The following KCNA2 variants were observed in gnomAD, a reference collection of about 807,000 sequenced individuals.
KCNA2 encodes potassium voltage-gated channel subfamily A member 2.
A neutral mutation model predicts 33.4 loss-of-function variants in KCNA2; 11 were observed. That is an observed-to-expected ratio of 0.33 (90% confidence interval 0.21 to 0.55). The LOEUF (loss-of-function observed/expected upper bound fraction) is 0.55, where lower values mean the gene tolerates loss of function less well. Ranked by LOEUF, KCNA2 falls within the 20% of genes least tolerant of loss-of-function variation. KCNA2 has a pLI of 0.93. For synonymous variants in KCNA2, 222 were observed against 231.3 expected, an observed-to-expected ratio of 0.96 and a Z score of 0.37; for missense variants, 291 against 621.6, an observed-to-expected ratio of 0.47 and a Z score of 5.66.
rs1378047633 is a variant in KCNA2 at position 110,627,706 on chromosome 1, A to C, written c.-496+3689T>G. On this transcript the variant is annotated intron_variant, in intron 1 of 4. Coordinates refer to the KCNA2 transcript ENST00000369770. ...AGGAATCTAAAATAAAACAAGAGAC[A>C]TCTAGGACTAACATAATTATAAAAA... Among the ~76,000 whole-genome samples the C allele has an allele frequency of 4.6e-5, 7 of 152,148 alleles. 1 individual carries two copies. Among genetic ancestry groups the C allele is most frequent in the African/African-American group, 1.7e-4 (7 of 41,418 alleles).
In KCNA2 at chr1:110,593,980, G is replaced by A; in HGVS notation, c.*9303C>T. 1 of 1,548,410 alleles carries A rather than the reference G, an allele frequency of 6.5e-7. No individual in the cohort carries two copies. The highest frequency in any genetic ancestry group is 8.7e-7 in the Non-Finnish European group (1 of 1,146,042). ...GTTAAATGACTCCCAACTCCCATGA[G>A]TCTTCCCCGCAAGTCCTGCTCCGCC... On this transcript the variant is annotated 3_prime_UTR_variant, in exon 3 of 3. Coordinates refer to ENST00000316361, the MANE Select transcript of KCNA2 (RefSeq NM_004974.4).
At chr1:110,624,344 T>G (rs1212740683) in intron 1 of KCNA2, among the ~76,000 whole-genome samples, 1 of 152,254 alleles carries the variant, frequency 6.6e-6, no homozygotes, top group African/African-American at 2.4e-5. Flanking sequence ...TGCTGTAACA[T>G]GAATGCACCT....
chr1:110,625,734 A>G (rs1650372125), intron 1 of KCNA2, among the ~76,000 whole-genome samples: 1 of 152,226 alleles, frequency 6.6e-6, no homozygotes, highest in South Asian at 2.1e-4. Context: ...AAAGAGCTGA[A>G]AGAAGTCAAT....
upstream of KCNA2, among the ~76,000 whole-genome samples, chr1:110,611,314 G>T (rs1649864428): frequency 6.6e-6 from 1 of 152,206 alleles, no homozygotes; most frequent in South Asian, 2.1e-4. Context: ...CCTCCTGCAG[G>T]AAGGCTTCTC....
upstream of KCNA2, among the ~76,000 whole-genome samples, chr1:110,610,999 T>G (rs1326197701): frequency 6.8e-6 from 1 of 147,954 alleles, no homozygotes. Context: ...CCTTGCTTCA[T>G]AGGGCTTAAA....
chr1:110,604,319 T>C lies in KCNA2; in HGVS notation c.464A>G (p.Tyr155Cys). The change falls in exon 3 of 3, where the codon TAC (tyrosine) becomes TGC (cysteine). Residue 155 changes from tyrosine to cysteine, a missense_variant. By Grantham distance (194) the Tyr-to-Cys change is radical. This residue lies in a region of KCNA2 where 163 missense variants were observed against 273.5 expected (regional missense o/e 0.60). Transcript: ENST00000316361. The surrounding 1 kb of genome is among the most constrained non-coding windows in gnomAD (Gnocchi z 7.6). ...FQRQVWLLFE[Y>C]PESSGPARII... is the part of the protein sequence containing the mutation. Reference sequence around the variant, plus strand: ...CCTGGCAGGCCCTGAGCTCTCTGGGTATTCAAAGAGAAGCCACACTTGTCT... The same window carrying C: ...CCTGGCAGGCCCTGAGCTCTCTGGGCATTCAAAGAGAAGCCACACTTGTCT... 6.2e-7 allele frequency: 1 copy of C among 1,614,000 alleles called. No individual in the cohort carries two copies. Among genetic ancestry groups the C allele is most frequent in the Non-Finnish European group, 8.5e-7 (1 of 1,179,954 alleles).
rs759809934 is a variant in KCNA2, at chr1:110,603,347, G to A, written c.1436C>T (p.Thr479Ile). The A allele has an allele frequency of 6.2e-7, 1 of 1,613,856 alleles. No individual in the cohort carries two copies. ...NEDFREENLK[T>I]ANCTLANTNY... ...TGTGTTAGCCAAGGTACAGTTGGCT[G>A]TTTTCAAGTTTTCCTCTCTAAAGTC... The change falls in exon 3 of 3, where the codon ACA (threonine) becomes ATA (isoleucine). Residue 479 changes from threonine to isoleucine, a missense_variant. This residue lies in a region of KCNA2 where 65 missense variants were observed against 95.1 expected (regional missense o/e 0.68). Transcript: ENST00000316361. The surrounding 1 kb of genome is among the most constrained non-coding windows in gnomAD (Gnocchi z 5.7).
intron 1 of KCNA2, among the ~76,000 whole-genome samples, chr1:110,629,922 T>C (rs192806552): frequency 1.3e-5 from 2 of 152,052 alleles, no homozygotes; most frequent in East Asian, 3.9e-4. Context: ...ATTCATGTAA[T>C]GCAGTGGTGG....
intron 1 of KCNA2, among the ~76,000 whole-genome samples, chr1:110,623,396 G>A (rs2101463469): frequency 6.6e-6 from 1 of 152,076 alleles, no homozygotes; most frequent in South Asian, 2.1e-4. Context: ...TGTGACCTTC[G>A]GTTACTCAAA....
chr1:110,612,272 A>C lies in KCNA2; in HGVS notation c.-495-6550T>G, dbSNP rs145707436. On this transcript the variant is annotated intron_variant, in intron 1 of 4. Coordinates refer to the KCNA2 transcript ENST00000369770. The stretch of plus-strand genomic sequence containing the variant: ...TCTCATCGTTGTGCAAACATCGTAG[A>C]GTGTACTTACACAAACGTAGATGGC... Among the ~76,000 whole-genome samples the C allele has an allele frequency of 1.2e-3, 177 of 152,290 alleles. 1 individual carries two copies. The highest frequency in any genetic ancestry group is 9.1e-3 in the South Asian group (44 of 4,824).
At chr1:110,627,322 T>G (rs1378627224) in intron 1 of KCNA2, among the ~76,000 whole-genome samples, 1 of 152,160 alleles carries the variant, frequency 6.6e-6, no homozygotes, top group Non-Finnish European at 1.5e-5. Context: ...AAGAAAACAC[T>G]CGGCACACCG....
intron 1 of KCNA2, among the ~76,000 whole-genome samples, chr1:110,621,139 T>A (rs12121785): frequency 0.54 from 82,873 of 152,144 alleles, 25,589 homozygotes; most frequent in Non-Finnish European, 0.7. Context: ...GGCTTTGGTG[T>A]CTGACTTGCT....
In KCNA2 at chr1:110,605,491, C is replaced by T. The variant is rs1649558441; in HGVS notation, c.-264G>A. The T allele has an allele frequency of 6.6e-6, 1 of 152,466 alleles. No homozygotes were observed. The highest frequency in any genetic ancestry group is 2.4e-5 in the African/African-American group (1 of 41,464). 9.4% of individuals were successfully genotyped at this position (152,466 alleles called of 1,614,324 possible). A position where few individuals can be genotyped will look rare whatever the true frequency, so the allele number is the denominator to read the frequency against. ...AGCCCAACTCCTCATCACGTCTTCT[C>T]ACTCGAGCTAGAAATAATGGTGAGT... On this transcript the variant is annotated 5_prime_UTR_variant, in exon 2 of 3. Transcript: ENST00000316361.
intron 1 of KCNA2, among the ~76,000 whole-genome samples, chr1:110,624,079 A>G (rs941178455): frequency 2.4e-4 from 36 of 152,264 alleles, no homozygotes; most frequent in African/African-American, 8.2e-4. Context: ...ACTTTGGTAA[A>G]TAATTTGTAG....
rs3894617 is a variant in KCNA2, at chr1:110,605,284, A to G, written c.-164+107T>C. 7,134 of 155,758 alleles carry G rather than the reference A, an allele frequency of 0.046. 218 individuals carry two copies. Among genetic ancestry groups the G allele is most frequent in the Middle Eastern group, 0.094 (28 of 298 alleles). The allele number at this position is 155,758 out of a possible 1,614,324, so 9.6% of individuals were successfully genotyped here. On this transcript the variant is annotated intron_variant, in intron 2 of 2. Transcript: ENST00000316361. Reference sequence around the variant, plus strand: ...CTGCACTAATGTCTCAGATACTCATACCCAGGGAGGTATTCATGGTTGGGG... The same window carrying G: ...CTGCACTAATGTCTCAGATACTCATGCCCAGGGAGGTATTCATGGTTGGGG...
At position 110,600,609 on chromosome 1, in the gene KCNA2, T is replaced by C; in HGVS notation, c.*2674A>G. The C allele has an allele frequency of 2.0e-6, 2 of 985,424 alleles. No individual in the cohort carries two copies. The allele number at this position is 985,424 out of a possible 1,614,324, so 61.0% of individuals were successfully genotyped here. A position where few individuals can be genotyped will look rare whatever the true frequency, so the allele number is the denominator to read the frequency against. ...CTATTTTGTGGTGAATGTGCATGAC[T>C]GTATGTGAACATTTTAGAGTCCTGG... On this transcript the variant is annotated 3_prime_UTR_variant, in exon 3 of 3. Transcript: ENST00000316361.
Position 110,602,506 on chromosome 1 carries a change from GA to G in KCNA2, c.*776del. ...GTCTGCAAACTCCAGTAAGAAACCAGACATGTTTTTGTGACCCTGGAGCCTG... is the reference window on the plus strand; with the variant it reads ...GTCTGCAAACTCCAGTAAGAAACCAGCATGTTTTTGTGACCCTGGAGCCTG... On this transcript the variant is annotated 3_prime_UTR_variant, in exon 3 of 3. Transcript: ENST00000316361. 8.8e-7 allele frequency: 1 copy of G among 1,135,096 alleles called. No homozygotes were observed. The highest frequency in any genetic ancestry group is 1.1e-6 in the Non-Finnish European group (1 of 924,566). 70.3% of individuals were successfully genotyped at this position (1,135,096 alleles called of 1,614,324 possible).
rs1648987861 is a variant in KCNA2, at chr1:110,594,189, G to A, written c.*9094C>T. 2.5e-6 allele frequency: 3 copies of A among 1,213,404 alleles called. No homozygotes were observed. In the East Asian group the frequency reaches 1.3e-4, roughly 54 times the overall value. 75.2% of individuals were successfully genotyped at this position (1,213,404 alleles called of 1,614,324 possible). The stretch of plus-strand genomic sequence containing the variant: ...AGAGACAGGACATGGGAGGGCAGCT[G>A]AAGATTCATGCACAAGCAGCAAGGA... On this transcript the variant is annotated 3_prime_UTR_variant, in exon 3 of 3. Transcript: ENST00000316361.
chr1:110,626,524 A>C (rs1219167170), intron 1 of KCNA2, among the ~76,000 whole-genome samples: 1 of 152,184 alleles, frequency 6.6e-6, no homozygotes, highest in Non-Finnish European at 1.5e-5. Flanking sequence ...TGAGAATGAG[A>C]CATCTCAGTG....
Sources: allele counts gnomAD v4.1 joint callset (sites outside exome capture counted in the v4.1 genomes callset), GRCh38; gene constraint gnomAD v4.1.1; regional missense constraint gnomAD v4.1.1; non-coding constraint Gnocchi (gnomAD v3.1); transcripts MANE v1.5; gene names NCBI Gene and HGNC (gene_info 2026-07-23, HGNC 2026-07-21).